Variants in SRGAP3 observed in about 807,000 individuals in gnomAD.
SRGAP3 encodes SLIT-ROBO Rho GTPase activating protein 3, also known as SLIT-ROBO Rho GTPase-activating protein 3.
A neutral mutation model predicts 121.1 loss-of-function variants in SRGAP3; 39 were observed. That is an observed-to-expected ratio of 0.32 (90% CI 0.25 to 0.42). The LOEUF (loss-of-function observed/expected upper bound fraction) is 0.42, where lower values mean the gene tolerates loss of function less well. SRGAP3 is among the 10% of genes least tolerant of loss of function. The probability of loss-of-function intolerance (pLI) is 1.00; values close to 1 mark genes in which losing one functional copy is unlikely to be tolerated. For missense variants in SRGAP3, 1,213 were observed against 1,470.6 expected, an observed-to-expected ratio of 0.82 and a Z score of 2.86; for synonymous variants, 601 against 570.0, an observed-to-expected ratio of 1.05 and a Z score of -0.77.
chr3:9,217,376 T>C (rs2125191903), intron 1 of SRGAP3: 1 of 152,284 alleles, frequency 6.6e-6, no homozygotes, highest in African/African-American at 2.4e-5. Context: ...CTCATTGAGA[T>C]GCCAGATTGC....
intron 1 of SRGAP3, among the ~76,000 whole-genome samples, chr3:9,215,214 G>C (rs1490837630): frequency 6.6e-6 from 1 of 152,206 alleles, no homozygotes; most frequent in Non-Finnish European, 1.5e-5. Context: ...CTCCTTGTTA[G>C]ATTTTACCTT....
intron 4 of SRGAP3, among the ~76,000 whole-genome samples, chr3:9,067,657 G>A (rs894653195): frequency 7.2e-5 from 11 of 152,154 alleles, no homozygotes; most frequent in African/African-American, 1.9e-4. Flanking sequence ...GGGAGGCGGC[G>A]GGAGGGAGAG....
intron 10 of SRGAP3, among the ~76,000 whole-genome samples, chr3:9,043,975 G>A (rs966605852): frequency 6.6e-6 from 1 of 152,154 alleles, no homozygotes; most frequent in African/African-American, 2.4e-5. Context: ...ATGATAAACT[G>A]AGAATTCTCT....
chr3:9,131,623 G>A (rs1949451301), intron 1 of SRGAP3, among the ~76,000 whole-genome samples: 1 of 151,798 alleles, frequency 6.6e-6, no homozygotes, highest in Non-Finnish European at 1.5e-5. Context: ...TGTATTTTTA[G>A]TAGAAACGGG....
upstream of SRGAP3, chr3:9,249,664 G>C (rs1205037622): frequency 8.6e-6 from 2 of 233,596 alleles, no homozygotes; most frequent in African/African-American, 2.2e-5. Context: ...CTGCAGGGCT[G>C]GCTGAGCTCT....
rs141794301 is a variant in SRGAP3, at chr3:9,302,751, G to T, written n.442+23259C>A. The stretch of plus-strand genomic sequence containing the variant: ...GTCTTGGCCGGATCCTATCCCGGGG[G>T]AAGAGCGCCACCTGGCGAACCGCTC... On this transcript the variant is annotated intron_variant and non_coding_transcript_variant, in intron 3 of 3. Coordinates refer to the SRGAP3 transcript ENST00000490889. Among the ~76,000 whole-genome samples the T allele has an allele frequency of 2.5e-3, 377 of 152,258 alleles. 15 individuals are homozygous for T. The East Asian group carries it at 0.066, about 27-fold the overall frequency.
intron 3 of SRGAP3, among the ~76,000 whole-genome samples, chr3:9,088,841 T>C (rs539688406): frequency 5.3e-5 from 8 of 152,268 alleles, no homozygotes; most frequent in Non-Finnish European, 1.2e-4. Flanking sequence ...GCCGAGCCCC[T>C]GTTTCAAGTA....
At chr3:9,217,691 G>C (rs1187931187) in intron 1 of SRGAP3, 1 of 152,200 alleles carries the variant, frequency 6.6e-6, no homozygotes, top group Non-Finnish European at 1.5e-5. Flanking sequence ...GTGCCATTAG[G>C]TTTATGAGAA....
intron 3 of SRGAP3, chr3:9,256,769 A>C (rs1021979342): frequency 5.1e-6 from 2 of 395,366 alleles, no homozygotes; most frequent in African/African-American, 4.2e-5. Flanking sequence ...CTCCGCCTGC[A>C]TTCTGCCCCT....
chr3:9,157,638 T>C (rs1950461830), intron 1 of SRGAP3, among the ~76,000 whole-genome samples: 1 of 152,172 alleles, frequency 6.6e-6, no homozygotes, highest in African/African-American at 2.4e-5. Flanking sequence ...GGCAGAGTAA[T>C]GATAGAGTCT....
rs1269973534 is a variant in SRGAP3, at chr3:9,015,455, C to T, written c.1813+142G>A. The T allele has an allele frequency of 1.4e-5, 15 of 1,096,700 alleles. No homozygotes were observed. The East Asian group carries it at 2.5e-4, about 19-fold the overall frequency. The allele number at this position is 1,096,700 out of a possible 1,614,324, so 67.9% of individuals were successfully genotyped here. ...TCATTATAAACCATCTTGTTATTTC[C>T]GCTTTCAGTTCTACGAGGATGCACG... On this transcript the variant is annotated intron_variant, in intron 15 of 21. Transcript: ENST00000383836.
At position 9,048,336 on chromosome 3, in the gene SRGAP3, G is replaced by A. The variant is rs917386420; in HGVS notation, c.1324-861C>T. Among the ~76,000 whole-genome samples, 7 of 152,380 alleles carry A rather than the reference G, an allele frequency of 4.6e-5. No individual in the cohort carries two copies. The South Asian group carries it at 1.0e-3, about 23-fold the overall frequency. On this transcript the variant is annotated intron_variant, in intron 9 of 21. Coordinates refer to ENST00000383836, the MANE Select transcript of SRGAP3 (RefSeq NM_014850.4). Reference sequence around the variant, plus strand: ...GCTGCATGGCCAGCTGCTAGAGGGTGGGCTCCAAGCCCAGCTCATCTCCAG... The same window carrying A: ...GCTGCATGGCCAGCTGCTAGAGGGTAGGCTCCAAGCCCAGCTCATCTCCAG...
At chr3:9,282,523 C>T (rs961358265) in intron 3 of SRGAP3, among the ~76,000 whole-genome samples, 3 of 152,128 alleles carry the variant, frequency 2.0e-5, no homozygotes, top group Non-Finnish European at 4.4e-5. Flanking sequence ...CAGAGTCTTA[C>T]TCTGTCGCCC....
rs142396277 is a variant in SRGAP3 at position 9,058,585 on chromosome 3, A to C, written c.802-113T>G. 3.1e-5 allele frequency: 35 copies of C among 1,145,768 alleles called. No individual in the cohort carries two copies. In the African/African-American group the frequency reaches 5.0e-4, roughly 16 times the overall value. The allele number at this position is 1,145,768 out of a possible 1,614,324, so 71.0% of individuals were successfully genotyped here. ...CTCCCTTTCCACAGCCGAATCTTCC[A>C]TCCCGGAGGCCCCAAGGCACTTTGG... On this transcript the variant is annotated intron_variant, in intron 6 of 21. Transcript: ENST00000383836.
chr3:9,259,271 A>G (rs993098435), intron 3 of SRGAP3, among the ~76,000 whole-genome samples: 1 of 151,092 alleles, frequency 6.6e-6, no homozygotes, highest in Non-Finnish European at 1.5e-5. Context: ...TTTGGTGGGG[A>G]GTGGGTAATT....
intron 1 of SRGAP3, chr3:9,355,864 G>GACA (rs2030468672): frequency 3.3e-5 from 5 of 152,210 alleles, no homozygotes; most frequent in African/African-American, 1.2e-4. Flanking sequence ...TTCTTGCTAT[G>GACA]TCACCCCACG....
chr3:9,037,638 A>G (rs1193136465), intron 11 of SRGAP3: 1 of 261,222 alleles, frequency 3.8e-6, no homozygotes, highest in Non-Finnish European at 7.5e-6. Flanking sequence ...GCCTTGGTAC[A>G]TGGGGACCTC....
intron 3 of SRGAP3, among the ~76,000 whole-genome samples, chr3:9,095,966 G>C (rs945117341): frequency 6.6e-6 from 1 of 151,960 alleles, no homozygotes; most frequent in African/African-American, 2.4e-5. Context: ...CAGCTACTCA[G>C]CAGGCTAAGG....
chr3:9,080,185 G>C, intron 3 of SRGAP3, 98 bp from the exon 4 acceptor site: 1 of 1,079,436 alleles, frequency 9.3e-7, no homozygotes, highest in Non-Finnish European at 1.4e-6. Flanking sequence ...GTTTCGGGTG[G>C]GGTCAGAAGG....
Sources: gnomAD v4.1 joint callset for allele counts (sites outside exome capture counted in the v4.1 genomes callset) on GRCh38, gnomAD v4.1.1 for gene constraint, MANE v1.5 for transcripts, NCBI Gene and HGNC (gene_info 2026-07-23, HGNC 2026-07-21) for gene names.